Variants in SSBP2 observed in about 807,000 individuals in gnomAD.
The protein encoded by SSBP2 is single-stranded DNA-binding protein 2.
A neutral mutation model predicts 61.8 loss-of-function variants in SSBP2; 17 were observed. The observed-to-expected ratio is 0.28, with a 90% CI of 0.19 to 0.41. The LOEUF (loss-of-function observed/expected upper bound fraction) is 0.41. SSBP2 is among the 10% of genes least tolerant of loss of function. The pLI, the probability that SSBP2 is intolerant of heterozygous loss-of-function variation, is 1.00. For missense variants in SSBP2, 310 were observed against 458.7 expected (o/e 0.68, Z 2.96); for synonymous variants, 139 against 141.3 (o/e 0.98, Z 0.12).
Position 81,513,680 on chromosome 5 carries a change from A to G in SSBP2, c.320T>C (p.Ile107Thr). Reference sequence around the variant, plus strand: ...TACTGGCATGCCATCTCCTGGGGGAATGTTTCCTAGCACTGGACTGGGAGC... The same window carrying G: ...TACTGGCATGCCATCTCCTGGGGGAGTGTTTCCTAGCACTGGACTGGGAGC... The change falls in exon 5 of 17, where the codon ATT (isoleucine) becomes ACT (threonine). Residue 107 changes from isoleucine (I) to threonine (T), a missense_variant. Physicochemically the swap from Ile to Thr is moderately conservative, Grantham distance 89 (BLOSUM62 -1). Around this residue, in one of 4 missense-constraint regions of SSBP2, gnomAD observed 209 missense variants for 286.4 expected, o/e 0.73. Transcript: ENST00000320672. The G allele has an allele frequency of 6.2e-7, 1 of 1,613,042 alleles. No homozygotes were observed. Among genetic ancestry groups the G allele is most frequent in the South Asian group, 1.1e-5 (1 of 91,050 alleles).
At chr5:81,551,454 A>G (rs546210668) in intron 4 of SSBP2, among the ~76,000 whole-genome samples, 4 of 152,320 alleles carry the variant, frequency 2.6e-5, no homozygotes, top group African/African-American at 9.6e-5. Flanking sequence ...AAGTTTTAGA[A>G]ATGCAAATAC....
At chr5:81,496,060 A>G (rs764299926) in intron 5 of SSBP2, among the ~76,000 whole-genome samples, 1 of 152,344 alleles carries the variant, frequency 6.6e-6, no homozygotes, top group Non-Finnish European at 1.5e-5. Context: ...TAGAAGTCTG[A>G]GGTACAGTTC....
rs554874183 is a variant in SSBP2, at chr5:81,667,021, A to G, written c.63-16682T>C. Among the ~76,000 whole-genome samples, 4 of 152,272 alleles carry G rather than the reference A, an allele frequency of 2.6e-5. No homozygotes were observed. The South Asian group carries it at 8.3e-4, about 32-fold the overall frequency. On this transcript the variant is annotated intron_variant, in intron 1 of 16. Coordinates refer to ENST00000320672, the MANE Select transcript of SSBP2 (RefSeq NM_012446.5). Reference sequence around the variant, plus strand: ...GGGATTTGACCTCTTGCTGTAAACAACTAAAAACTGGATATAGGAAACAAC... The same window carrying G: ...GGGATTTGACCTCTTGCTGTAAACAGCTAAAAACTGGATATAGGAAACAAC...
chr5:81,466,931 A>G, intron 9 of SSBP2, 43 bp downstream of exon 9: 1 of 1,201,554 alleles, frequency 8.3e-7, no homozygotes, highest in Non-Finnish European at 1.2e-6. Flanking sequence ...TATATAAAAT[A>G]TCATCCACGT....
intron 4 of SSBP2, among the ~76,000 whole-genome samples, chr5:81,546,922 T>C (rs938949650): frequency 2.4e-5 from 3 of 125,026 alleles, no homozygotes; most frequent in African/African-American, 1.3e-4. Flanking sequence ...TTTTAAAAAA[T>C]CAATCACAAA....
Position 81,563,371 on chromosome 5 carries a change from T to C in SSBP2, c.283-49654A>G, listed in dbSNP as rs372277681. On this transcript the variant is annotated intron_variant, in intron 4 of 16. Coordinates refer to ENST00000320672, the MANE Select transcript of SSBP2 (RefSeq NM_012446.5). Reference sequence around the variant, plus strand: ...CATACATAAATCTCAAAGCAGACCATAGAACAAAATGTAAAAAAAAATTCT... The same window carrying C: ...CATACATAAATCTCAAAGCAGACCACAGAACAAAATGTAAAAAAAAATTCT... Among the ~76,000 whole-genome samples, 31 of 152,068 alleles carry C rather than the reference T, an allele frequency of 2.0e-4. No homozygotes were observed. The South Asian group carries it at 5.2e-3, about 25-fold the overall frequency.
At chr5:81,727,264 T>TA (rs1436686766) in intron 1 of SSBP2, among the ~76,000 whole-genome samples, 2 of 152,128 alleles carry the variant, frequency 1.3e-5, no homozygotes, top group African/African-American at 4.8e-5. Flanking sequence ...ATATGAAGAA[T>TA]ATGGGCCAGG....
intron 1 of SSBP2, among the ~76,000 whole-genome samples, chr5:81,683,449 C>T (rs758020096): frequency 3.9e-5 from 6 of 152,106 alleles, no homozygotes; most frequent in Non-Finnish European, 8.8e-5. Flanking sequence ...TAAATCTAGA[C>T]ACATATCTTG....
intron 4 of SSBP2, among the ~76,000 whole-genome samples, chr5:81,534,417 G>A (rs941713055): frequency 6.6e-6 from 1 of 151,866 alleles, no homozygotes; most frequent in African/African-American, 2.4e-5. Context: ...TATCAGACTG[G>A]GAATTTAAAA....
intron 1 of SSBP2, among the ~76,000 whole-genome samples, chr5:81,737,774 T>G (rs1756721007): frequency 7.6e-6 from 1 of 131,294 alleles, no homozygotes; most frequent in Non-Finnish European, 1.6e-5. Context: ...GGCAACAGAG[T>G]GAGACTCCAT....
chr5:81,521,914 CAGA>C, intron 4 of SSBP2, among the ~76,000 whole-genome samples: 1 of 151,948 alleles, frequency 6.6e-6, no homozygotes, highest in African/African-American at 2.4e-5. Flanking sequence ...AGAATCTTGC[CAGA>C]AGGATTTTTA....
intron 1 of SSBP2, among the ~76,000 whole-genome samples, chr5:81,654,356 C>T (rs1330263986): frequency 6.6e-6 from 1 of 152,168 alleles, no homozygotes; most frequent in Non-Finnish European, 1.5e-5. Context: ...ACCTTTTGCT[C>T]ACCTTGAATG....
At chr5:81,537,143 A>G (rs1356838639) in intron 4 of SSBP2, among the ~76,000 whole-genome samples, 4 of 152,152 alleles carry the variant, frequency 2.6e-5, no homozygotes, top group Non-Finnish European at 4.4e-5. Flanking sequence ...AATATCCTTA[A>G]CGTGCTCTGA....
chr5:81,702,469 G>A (rs1016730933), intron 1 of SSBP2, among the ~76,000 whole-genome samples: 3 of 152,252 alleles, frequency 2.0e-5, no homozygotes, highest in African/African-American at 7.2e-5. Context: ...CTTATATAAG[G>A]GCTCTCATGC....
chr5:81,510,886 T>C (rs1161716229), intron 5 of SSBP2, among the ~76,000 whole-genome samples: 3 of 152,102 alleles, frequency 2.0e-5, no homozygotes, highest in Admixed American at 6.5e-5. Flanking sequence ...AAAATGCAAA[T>C]ATGAACATGT....
At chr5:81,748,705 T>C (rs1439152051) in intron 1 of SSBP2, among the ~76,000 whole-genome samples, 1 of 152,100 alleles carries the variant, frequency 6.6e-6, no homozygotes, top group Non-Finnish European at 1.5e-5. Context: ...ATGGAAGAAA[T>C]ATATTTAAAT....
At chr5:81,714,211 T>C (rs1467094257) in intron 1 of SSBP2, among the ~76,000 whole-genome samples, 2 of 152,212 alleles carry the variant, frequency 1.3e-5, no homozygotes, top group Non-Finnish European at 2.9e-5. Context: ...TCCAGCTTCA[T>C]CCATGTCCCT....
At chr5:81,698,206 T>G (rs553645259) in intron 1 of SSBP2, among the ~76,000 whole-genome samples, 1 of 152,180 alleles carries the variant, frequency 6.6e-6, no homozygotes, top group Non-Finnish European at 1.5e-5. Context: ...AAAAATAATT[T>G]TAAGATTTTT....
At chr5:81,671,474 A>G (rs963123922) in intron 1 of SSBP2, among the ~76,000 whole-genome samples, 3 of 152,120 alleles carry the variant, frequency 2.0e-5, no homozygotes, top group African/African-American at 4.8e-5. Flanking sequence ...ATTTGTGGCA[A>G]TATGGTCAGG....
Sources: allele counts gnomAD v4.1 joint callset (sites outside exome capture counted in the v4.1 genomes callset), GRCh38; gene constraint gnomAD v4.1.1; regional missense constraint gnomAD v4.1.1; transcripts MANE v1.5; gene names NCBI Gene and HGNC (gene_info 2026-07-23, HGNC 2026-07-21).